The following CTNND2 variants were observed in gnomAD, a reference collection of about 807,000 sequenced individuals.
CTNND2 encodes catenin delta 2.
CTNND2 carries 22 observed loss-of-function variants against 144.4 expected under a neutral mutation model. That is an observed-to-expected ratio of 0.15 (90% CI 0.11 to 0.22). The LOEUF (loss-of-function observed/expected upper bound fraction) is 0.22, where lower values mean the gene tolerates loss of function less well. Among genes scored for constraint, CTNND2 ranks in the 10% least tolerant of loss-of-function variants. CTNND2 has a pLI of 1.00. For synonymous variants in CTNND2, 751 were observed against 695.6 expected (o/e 1.08, Z -1.25); for missense variants, 1,353 against 1,618.8 (o/e 0.84, Z 2.82).
At chr5:11,516,379 T>C (rs1161839963) in intron 3 of CTNND2, among the ~76,000 whole-genome samples, 1 of 151,864 alleles carries the variant, frequency 6.6e-6, no homozygotes, top group Non-Finnish European at 1.5e-5. Context: ...AAGGCACCCA[T>C]ATAGGAAATG....
intron 1 of CTNND2, among the ~76,000 whole-genome samples, chr5:11,785,967 G>C (rs1007988040): frequency 6.6e-6 from 1 of 152,238 alleles, no homozygotes; most frequent in Admixed American, 6.5e-5. Context: ...AGTCATGGAG[G>C]GGGGTCACAC....
chr5:11,740,759 C>T (rs879573282), intron 1 of CTNND2, among the ~76,000 whole-genome samples: 22 of 152,174 alleles, frequency 1.4e-4, no homozygotes, highest in Non-Finnish European at 2.4e-4. Flanking sequence ...AGGCAACCTA[C>T]AGACTGGGAG....
intron 16 of CTNND2, among the ~76,000 whole-genome samples, chr5:11,024,559 T>C (rs1742621551): frequency 6.6e-6 from 1 of 152,170 alleles, no homozygotes; most frequent in African/African-American, 2.4e-5. Flanking sequence ...TGTGTTCCTT[T>C]TTCCTTTTTC....
At chr5:11,427,468 C>T (rs565453405) in intron 3 of CTNND2, among the ~76,000 whole-genome samples, 17 of 151,708 alleles carry the variant, frequency 1.1e-4, no homozygotes, top group East Asian at 5.8e-4. Context: ...TTATTAGAGA[C>T]GAGGTTTGAC....
chr5:11,709,143 G>C (rs1416406064), intron 2 of CTNND2, among the ~76,000 whole-genome samples: 1 of 152,190 alleles, frequency 6.6e-6, no homozygotes, highest in Admixed American at 6.5e-5. Context: ...CTGCGTTTAT[G>C]TGTCAGAGCT....
chr5:11,719,288 G>A (rs896576177), intron 2 of CTNND2, among the ~76,000 whole-genome samples: 3 of 152,186 alleles, frequency 2.0e-5, no homozygotes, highest in Non-Finnish European at 4.4e-5. Flanking sequence ...TCCTTCAGAA[G>A]CGAGTGTCAC....
chr5:11,790,580 GTGC>G (rs1332758705), intron 1 of CTNND2, among the ~76,000 whole-genome samples: 2 of 152,158 alleles, frequency 1.3e-5, no homozygotes, highest in African/African-American at 4.8e-5. Context: ...ACGTAATGAT[GTGC>G]TGATTTTTCT....
At chr5:11,825,636 C>T (rs953760446) in intron 1 of CTNND2, among the ~76,000 whole-genome samples, 1 of 151,982 alleles carries the variant, frequency 6.6e-6, no homozygotes, top group African/African-American at 2.4e-5. Flanking sequence ...AATCCTGACC[C>T]ATCATAATTC....
At chr5:11,755,641 CT>C (rs377766540) in intron 1 of CTNND2, among the ~76,000 whole-genome samples, 3 of 140,212 alleles carry the variant, frequency 2.1e-5, no homozygotes, top group African/African-American at 5.2e-5. Flanking sequence ...GTTCATTCTT[CT>C]TTTTTTTTTT....
chr5:11,201,038 C>T (rs1376090634), intron 10 of CTNND2, among the ~76,000 whole-genome samples: 2 of 152,120 alleles, frequency 1.3e-5, no homozygotes, highest in African/African-American at 4.8e-5. Context: ...CTAACCACAC[C>T]GTTTAAAACT....
At chr5:11,654,183 T>C (rs530233366) in intron 2 of CTNND2, among the ~76,000 whole-genome samples, 12 of 152,186 alleles carry the variant, frequency 7.9e-5, no homozygotes, top group African/African-American at 2.4e-4. Context: ...GTATGATGCC[T>C]CCAGCTTTGT....
chr5:11,076,294 G>A (rs538548625), intron 16 of CTNND2, among the ~76,000 whole-genome samples: 1 of 152,286 alleles, frequency 6.6e-6, no homozygotes, highest in East Asian at 1.9e-4. Context: ...GTAAATGCAA[G>A]CTCATGTTAT....
rs1489771153 is a variant in CTNND2 at position 11,639,891 on chromosome 5, C to T, written c.175-74835G>A. Among the ~76,000 whole-genome samples, 3 of 152,168 alleles carry T rather than the reference C, an allele frequency of 2.0e-5. No individual in the cohort carries two copies. The South Asian group carries it at 6.2e-4, about 31-fold the overall frequency. On this transcript the variant is annotated intron_variant, in intron 2 of 21. Coordinates refer to ENST00000304623, the MANE Select transcript of CTNND2 (RefSeq NM_001332.4). ...CATGTTGCTTCAATGAAAGACAAAA[C>T]TCAAGGCCTGTCTTAACAATGAAAG...
intron 2 of CTNND2, among the ~76,000 whole-genome samples, chr5:11,613,186 T>C (rs1780417853): frequency 6.6e-6 from 1 of 152,224 alleles, no homozygotes; most frequent in Non-Finnish European, 1.5e-5. Context: ...GGGGTTTTTA[T>C]TTTAATGTCA....
chr5:11,675,632 A>C (rs1322193149), intron 2 of CTNND2, among the ~76,000 whole-genome samples: 1 of 152,170 alleles, frequency 6.6e-6, no homozygotes, highest in Non-Finnish European at 1.5e-5. Flanking sequence ...AGAGATTTTA[A>C]TGTAGCAACA....
At chr5:11,457,136 T>C (rs1765799131) in intron 3 of CTNND2, among the ~76,000 whole-genome samples, 1 of 152,196 alleles carries the variant, frequency 6.6e-6, no homozygotes, top group African/African-American at 2.4e-5. Context: ...GTGAGGTGGC[T>C]CACGTCTGTA....
At chr5:11,333,325 G>A (rs1380127145) in intron 9 of CTNND2, among the ~76,000 whole-genome samples, 1 of 151,962 alleles carries the variant, frequency 6.6e-6, no homozygotes, top group Non-Finnish European at 1.5e-5. Flanking sequence ...GTGCAGTGGT[G>A]CAATCACAAC....
intron 10 of CTNND2, among the ~76,000 whole-genome samples, chr5:11,202,990 A>C (rs967901373): frequency 6.6e-6 from 1 of 152,026 alleles, no homozygotes; most frequent in Non-Finnish European, 1.5e-5. Flanking sequence ...TTTTCAGTAG[A>C]GACGGGATTT....
intron 9 of CTNND2, among the ~76,000 whole-genome samples, chr5:11,298,629 T>A (rs1749260435): frequency 6.6e-6 from 1 of 152,270 alleles, no homozygotes; most frequent in Non-Finnish European, 1.5e-5. Context: ...CTAGTTCTAT[T>A]ACTTCTATGA....
Sources: gnomAD v4.1 joint callset for allele counts (sites outside exome capture counted in the v4.1 genomes callset) on GRCh38, gnomAD v4.1.1 for gene constraint, MANE v1.5 for transcripts, NCBI Gene and HGNC (gene_info 2026-07-23, HGNC 2026-07-21) for gene names.